EXOC4: variants seen among roughly 807,000 people sequenced by gnomAD.
EXOC4 encodes SEC8-like 1.
Under a neutral mutation model 107.2 loss-of-function variants are expected in EXOC4, and 71 were observed. The observed-to-expected ratio is 0.66, with a 90% CI of 0.55 to 0.81. The LOEUF is 0.81. Among genes scored for constraint, EXOC4 ranks in the 30% least tolerant of loss-of-function variants. The pLI, the probability that EXOC4 is intolerant of heterozygous loss-of-function variation, is 0.00. For missense variants in EXOC4, 1,108 were observed against 1,189.6 expected (o/e 0.93, Z 1.01); for synonymous variants, 456 against 441.2 (o/e 1.03, Z -0.42).
In EXOC4 at chr7:134,019,446, T is replaced by TGATGATGATGATGATGATGATGAC. The variant is rs1563093729; in HGVS notation, c.2687+11613_2687+11614insTGATGATGATGATGATGATGACGA. 2.7e-5 allele frequency among the ~76,000 whole-genome samples: 4 copies of TGATGATGATGATGATGATGATGAC among 150,932 alleles called. No homozygotes were observed. In the East Asian group the frequency reaches 7.8e-4, roughly 30 times the overall value. ...ATGATGATGATGATGATGATGATGA[T>TGATGATGATGATGATGATGATGAC]GACATATTCCAAGTATAATATGAGT... is the stretch of plus-strand genomic sequence containing the variant. On this transcript the variant is annotated intron_variant, in intron 17 of 17. Transcript: ENST00000253861.
At chr7:133,988,446 C>A (rs1050243659) in intron 14 of EXOC4, among the ~76,000 whole-genome samples, 1 of 152,150 alleles carries the variant, frequency 6.6e-6, no homozygotes, top group African/African-American at 2.4e-5. Flanking sequence ...ATTAAAAAGG[C>A]ATTGATTGAG....
intron 11 of EXOC4, among the ~76,000 whole-genome samples, chr7:133,820,105 A>G (rs1014607235): frequency 8.6e-5 from 13 of 150,988 alleles, no homozygotes; most frequent in African/African-American, 3.2e-4. Flanking sequence ...AAGACCATTC[A>G]AGCTATTAAC....
intron 13 of EXOC4, among the ~76,000 whole-genome samples, chr7:133,926,020 G>A (rs1197737446): frequency 6.7e-5 from 9 of 135,156 alleles, no homozygotes; most frequent in African/African-American, 2.6e-4. Flanking sequence ...ACCTGCCTAG[G>A]CAACAGAGCA....
chr7:134,019,942 G>A (rs906451417), intron 17 of EXOC4, among the ~76,000 whole-genome samples: 9 of 152,104 alleles, frequency 5.9e-5, no homozygotes, highest in Admixed American at 2.6e-4. Context: ...CCTTGGTGGT[G>A]TTATGGGGTT....
At chr7:133,622,509 C>G (rs1802358904) in intron 9 of EXOC4, among the ~76,000 whole-genome samples, 1 of 152,136 alleles carries the variant, frequency 6.6e-6, no homozygotes, top group South Asian at 2.1e-4. Flanking sequence ...ACGTAGAGTT[C>G]TAGTTCTTGC....
intron 12 of EXOC4, among the ~76,000 whole-genome samples, chr7:133,900,805 T>A (rs2116551708): frequency 6.6e-6 from 1 of 152,332 alleles, no homozygotes; most frequent in Middle Eastern, 3.4e-3. Flanking sequence ...TTATCTTTTC[T>A]ATGCTGTATT....
rs572911952 is a variant in EXOC4, at chr7:133,593,239, A to G, written c.1418-36806A>G. ...TTGTTTTTACAAGTGAAACAGGAGA[A>G]TGAATCACATATCAGCAAGAAGAGG... is the stretch of plus-strand genomic sequence containing the variant. On this transcript the variant is annotated intron_variant, in intron 9 of 17. Transcript: ENST00000253861. Among the ~76,000 whole-genome samples the G allele has an allele frequency of 3.9e-5, 6 of 152,346 alleles. No homozygotes were observed. The South Asian group carries it at 1.0e-3, about 26-fold the overall frequency.
At chr7:133,870,064 A>T (rs1798719513) in intron 11 of EXOC4, among the ~76,000 whole-genome samples, 1 of 152,206 alleles carries the variant, frequency 6.6e-6, no homozygotes. Flanking sequence ...AGTGTTTGAT[A>T]AGTACTTTAT....
intron 10 of EXOC4, among the ~76,000 whole-genome samples, chr7:133,709,256 T>C (rs1270357484): frequency 6.6e-6 from 1 of 152,136 alleles, no homozygotes; most frequent in Non-Finnish European, 1.5e-5. Context: ...TAGAAACATA[T>C]AGATTTTGTG....
chr7:133,806,162 A>G (rs530067998), intron 10 of EXOC4, among the ~76,000 whole-genome samples: 15 of 152,264 alleles, frequency 9.9e-5, no homozygotes, highest in Non-Finnish European at 1.9e-4. Flanking sequence ...GTAAACAAGT[A>G]GATAAATGTA....
At chr7:133,668,734 A>T (rs1288632199) in intron 10 of EXOC4, among the ~76,000 whole-genome samples, 1 of 152,202 alleles carries the variant, frequency 6.6e-6, no homozygotes, top group Admixed American at 6.5e-5. Context: ...AAGCTTATTT[A>T]GTCCACCTTC....
At chr7:133,839,821 A>C (rs1797988686) in intron 11 of EXOC4, among the ~76,000 whole-genome samples, 1 of 152,222 alleles carries the variant, frequency 6.6e-6, no homozygotes, top group Non-Finnish European at 1.5e-5. Context: ...AGTTTCTAAC[A>C]GTTCATGCAC....
intron 10 of EXOC4, among the ~76,000 whole-genome samples, chr7:133,787,948 CATATATTTATATATTT>C (rs1303023968): frequency 4.5e-5 from 1 of 22,200 alleles, no homozygotes. Context: ...CTTCCCTGTG[CATATATTTATATATTT>C]ATATATATAT....
chr7:133,983,610 T>C (rs1275407979), intron 14 of EXOC4, among the ~76,000 whole-genome samples: 1 of 151,806 alleles, frequency 6.6e-6, no homozygotes, highest in Non-Finnish European at 1.5e-5. Context: ...GATTTACATA[T>C]ACTTAAGCTA....
At chr7:134,029,521 T>C (rs1795222246) in intron 17 of EXOC4, among the ~76,000 whole-genome samples, 1 of 152,136 alleles carries the variant, frequency 6.6e-6, no homozygotes, top group African/African-American at 2.4e-5. Context: ...GCTTTTATTT[T>C]ATTTATTGCT....
chr7:133,464,810 G>GTTTTTTTTTTTTTTTTTTTTTTTTT lies in EXOC4; in HGVS notation c.1183-10518_1183-10517insTTTTTTTTTTTTTTTTTTTTTTTTT, dbSNP rs1491525276. 2.8e-5 allele frequency among the ~76,000 whole-genome samples: 3 copies of GTTTTTTTTTTTTTTTTTTTTTTTTT among 105,672 alleles called. 1 individual carries two copies. Among genetic ancestry groups the GTTTTTTTTTTTTTTTTTTTTTTTTT allele is most frequent in the Non-Finnish European group, 1.7e-5 (1 of 57,450 alleles). The allele number at this position is 105,672 out of a possible 152,430, so 69.3% of individuals were successfully genotyped here. On this transcript the variant is annotated intron_variant, in intron 7 of 17. Transcript: ENST00000253861. ...GTTTTTTTTTTTTGTTGGTTGGGTTGGTTTTTTTTTTTTTTTTTTTTTTTT... is the reference window on the plus strand; with the variant it reads ...GTTTTTTTTTTTTGTTGGTTGGGTTGTTTTTTTTTTTTTTTTTTTTTTTTTGTTTTTTTTTTTTTTTTTTTTTTTT...
chr7:133,425,147 G>A (rs904888984), intron 7 of EXOC4, among the ~76,000 whole-genome samples: 9 of 152,138 alleles, frequency 5.9e-5, no homozygotes, highest in Non-Finnish European at 1.2e-4. Context: ...AAGCTTCAGG[G>A]GATAGGGAGA....
intron 10 of EXOC4, among the ~76,000 whole-genome samples, chr7:133,635,034 T>G (rs1266893530): frequency 6.6e-6 from 1 of 152,178 alleles, no homozygotes; most frequent in East Asian, 1.9e-4. Flanking sequence ...GCCTTGATTT[T>G]GGGGAACAGA....
intron 10 of EXOC4, among the ~76,000 whole-genome samples, chr7:133,637,496 A>G (rs1456761074): frequency 1.3e-5 from 2 of 152,292 alleles, no homozygotes; most frequent in Middle Eastern, 3.4e-3. Flanking sequence ...GCCTATGTAG[A>G]CATTTTGAAA....
Sources: gnomAD v4.1 joint callset for allele counts (sites outside exome capture counted in the v4.1 genomes callset) on GRCh38, gnomAD v4.1.1 for gene constraint, MANE v1.5 for transcripts, NCBI Gene and HGNC (gene_info 2026-07-23, HGNC 2026-07-21) for gene names.